CA4: variants seen among roughly 807,000 people sequenced by gnomAD.
CA4 encodes CA-IV.
CA4 carries 24 observed loss-of-function variants against 34.5 expected under a neutral mutation model. The ratio of observed to expected loss-of-function variants is 0.70; its 90% CI spans 0.50 to 0.98. The LOEUF is 0.98. CA4 is among the 50% of genes least tolerant of loss of function. The pLI, the probability that CA4 is intolerant of heterozygous loss-of-function variation, is 0.00. For synonymous variants in CA4, 178 were observed against 170.6 expected (o/e 1.04, Z -0.34); for missense variants, 394 against 396.7 (o/e 0.99, Z 0.06).
At chr17:60,159,829 G>A (rs1248193510), downstream of CA4, among the ~76,000 whole-genome samples, 3 of 152,210 alleles carry the variant, frequency 2.0e-5, no homozygotes, top group African/African-American at 7.2e-5. Context: ...TATAGAGGGG[G>A]AAACTGAGGC....
In CA4 at chr17:60,150,589, C is replaced by G. The variant is rs1233934780; in HGVS notation, c.58+497C>G. Among the ~76,000 whole-genome samples, 4 of 141,894 alleles carry G rather than the reference C, an allele frequency of 2.8e-5. No individual in the cohort carries two copies. In the East Asian group the frequency reaches 8.7e-4, roughly 31 times the overall value. 93.1% of individuals were successfully genotyped at this position (141,894 alleles called of 152,430 possible). A position where few individuals can be genotyped will look rare whatever the true frequency, so the allele number is the denominator to read the frequency against. On this transcript the variant is annotated intron_variant, in intron 1 of 7. Transcript: ENST00000300900. ...TCGGGAGGCTGAGGCCCGAGAATCG[C>G]TTGAACCCAGGAGGTGGAGGTTGCA...
downstream of CA4, among the ~76,000 whole-genome samples, chr17:60,163,697 G>C (rs571325181): frequency 6.6e-6 from 1 of 152,180 alleles, no homozygotes; most frequent in Admixed American, 6.5e-5. Context: ...CAGAGCCCTC[G>C]GCTGGACACG....
intron 1 of CA4, among the ~76,000 whole-genome samples, chr17:60,150,892 C>A (rs1363370142): frequency 6.6e-6 from 1 of 151,474 alleles, no homozygotes; most frequent in African/African-American, 2.4e-5. Context: ...GCTCCCCTGG[C>A]CTCCCTAACC....
At chr17:60,171,293 G>C (rs116975515), downstream of CA4, among the ~76,000 whole-genome samples, 3 of 152,206 alleles carry the variant, frequency 2.0e-5, no homozygotes, top group African/African-American at 7.2e-5. Flanking sequence ...GTGCTGCAGA[G>C]AGCTCTGCAA....
At chr17:60,178,992 G>C in the CA4 span, 1 of 369,378 alleles carries the variant, frequency 2.7e-6, no homozygotes, top group Non-Finnish European at 4.9e-6. Flanking sequence ...GTCCCAGGTG[G>C]CTGGTGCCAA....
intron 1 of CA4, among the ~76,000 whole-genome samples, chr17:60,154,433 C>T (rs1168320733): frequency 3.3e-5 from 5 of 152,182 alleles, no homozygotes; most frequent in Admixed American, 6.5e-5. Context: ...GCCCCCTGAG[C>T]GGCTCAGCCA....
downstream of CA4, among the ~76,000 whole-genome samples, chr17:60,164,497 C>T (rs1020619160): frequency 2.8e-4 from 43 of 152,064 alleles, no homozygotes; most frequent in African/African-American, 9.2e-4. Flanking sequence ...TCAAGTGATT[C>T]TCCTGCCTCA....
chr17:60,159,530 A>T lies in CA4; in HGVS notation c.*106A>T, dbSNP rs963099156. 4.7e-6 allele frequency: 6 copies of T among 1,270,678 alleles called. No individual in the cohort carries two copies. Among genetic ancestry groups the T allele is most frequent in the East Asian group, 2.5e-5 (1 of 39,988 alleles). The allele number at this position is 1,270,678 out of a possible 1,614,324, so 78.7% of individuals were successfully genotyped here. ...GACTTTAGGCATGATTAAAATATGGACATATTTTTGGAGAAACCTTTCTCA... is the reference window on the plus strand; with the variant it reads ...GACTTTAGGCATGATTAAAATATGGTCATATTTTTGGAGAAACCTTTCTCA... On this transcript the variant is annotated 3_prime_UTR_variant, in exon 8 of 8. Coordinates refer to ENST00000300900, the MANE Select transcript of CA4 (RefSeq NM_000717.5).
chr17:60,156,789 C>T, intron 3 of CA4, 74 bp downstream of exon 3: 4 of 1,407,038 alleles, frequency 2.8e-6, no homozygotes, highest in Non-Finnish European at 4.0e-6. Flanking sequence ...GGGCTCCTCC[C>T]AGGAGGGTGT....
In CA4 at chr17:60,158,078, C is replaced by A. The variant is rs185942554; in HGVS notation, c.531C>A (p.Asn177Lys). The change falls in exon 6 of 8, where the codon AAC becomes AAA. Residue 177 changes from asparagine (N) to lysine (K), a missense_variant. Transcript: ENST00000300900. ...AFLVEAGTQV[N>K]EGFQPLVEAL... is the part of the protein sequence containing the mutation. ...CTTTCCAGGCTGGAACCCAGGTGAA[C>A]GAGGGCTTCCAGCCACTGGTGGAGG... 2.1e-4 allele frequency: 334 copies of A among 1,613,798 alleles called. 1 individual carries two copies. The East Asian group carries it at 6.6e-3, about 32-fold the overall frequency.
chr17:60,176,084 G>A, the CA4 span, among the ~76,000 whole-genome samples: 1 of 152,120 alleles, frequency 6.6e-6, no homozygotes, highest in East Asian at 1.9e-4. Context: ...CCAAAGTGCT[G>A]GGATTACAGG....
the CA4 span, among the ~76,000 whole-genome samples, chr17:60,176,618 A>C: frequency 6.6e-6 from 1 of 152,120 alleles, no homozygotes; most frequent in East Asian, 1.9e-4. Flanking sequence ...TCCTCAGTTT[A>C]CCACCTGCTC....
chr17:60,164,362 G>T (rs1283580604), downstream of CA4, among the ~76,000 whole-genome samples: 2 of 140,750 alleles, frequency 1.4e-5, no homozygotes, highest in Admixed American at 7.5e-5. Context: ...CAGTCTGTCT[G>T]TCTGTCTGTC....
chr17:60,155,369 T>C lies in CA4; in HGVS notation c.112+2T>C. On this transcript the variant is annotated splice_donor_variant, in intron 2 of 7. Transcript: ENST00000300900. LOFTEE classifies it high-confidence loss of function. Reference sequence around the variant, plus strand: ...AGTCCTCCAACTACCCCTGCTTGGGTGAGTACAGCCAGTCCAGGGGACTGC... The same window carrying C: ...AGTCCTCCAACTACCCCTGCTTGGGCGAGTACAGCCAGTCCAGGGGACTGC... 2 of 1,606,538 alleles carry C rather than the reference T, an allele frequency of 1.2e-6. No homozygotes were observed. Among genetic ancestry groups the C allele is most frequent in the South Asian group, 1.1e-5 (1 of 89,620 alleles).
chr17:60,157,811 C>T, intron 5 of CA4, 23 bp downstream of exon 5: 1 of 1,587,250 alleles, frequency 6.3e-7, no homozygotes, highest in African/African-American at 1.3e-5. Context: ...TCCCCCACTT[C>T]CCGGGGAACC....
At chr17:60,150,121 C>G (rs1288017773) in intron 1 of CA4, 29 bp downstream of exon 1, 1 of 1,578,626 alleles carries the variant, frequency 6.3e-7, no homozygotes, top group Non-Finnish European at 8.6e-7. Context: ...GCCCCAGGTG[C>G]CCCTCGGCGG....
At chr17:60,153,225 T>C (rs1050851554) in intron 1 of CA4, among the ~76,000 whole-genome samples, 97 of 152,130 alleles carry the variant, frequency 6.4e-4, no homozygotes, top group African/African-American at 2.3e-3. Flanking sequence ...GTAATCCCAG[T>C]TACTCAGGAG....
At chr17:60,163,974 G>T (rs554370884), downstream of CA4, among the ~76,000 whole-genome samples, 84 of 151,870 alleles carry the variant, frequency 5.5e-4, no homozygotes, top group South Asian at 1.0e-3. Context: ...CTACGAGGGG[G>T]AAAAAAAGAA....
At chr17:60,178,536 T>C in the CA4 span, among the ~76,000 whole-genome samples, 1 of 152,172 alleles carries the variant, frequency 6.6e-6, no homozygotes, top group Non-Finnish European at 1.5e-5. Flanking sequence ...CAGGATGCTG[T>C]TTCTTTCTAC....
Sources: gnomAD v4.1 joint callset for allele counts (sites outside exome capture counted in the v4.1 genomes callset) on GRCh38, gnomAD v4.1.1 for gene constraint, MANE v1.5 for transcripts, NCBI Gene and HGNC (gene_info 2026-07-23, HGNC 2026-07-21) for gene names.